The following PDE4C variants were observed in gnomAD, a reference collection of about 807,000 sequenced individuals.
The protein encoded by PDE4C is phosphodiesterase 4C, also known as 3',5'-cyclic-AMP phosphodiesterase 4C.
PDE4C carries 50 observed loss-of-function variants against 63.9 expected under a neutral mutation model. The ratio of observed to expected loss-of-function variants is 0.78; its 90% CI spans 0.62 to 0.99. The LOEUF is 0.99. Among genes scored for constraint, PDE4C ranks in the 50% least tolerant of loss-of-function variants. The pLI, the probability that PDE4C is intolerant of heterozygous loss-of-function variation, is 0.00. For missense variants in PDE4C, 777 were observed against 899.1 expected, an observed-to-expected ratio of 0.86 and a Z score of 1.74; for synonymous variants, 377 against 385.1, an observed-to-expected ratio of 0.98 and a Z score of 0.25.
At chr19:18,216,704 T>G in intron 12 of PDE4C, 37 bp downstream of exon 12, 10 of 1,226,124 alleles carry the variant, frequency 8.2e-6, no homozygotes, top group Non-Finnish European at 6.8e-6. Context: ...CCCGCTCCCC[T>G]CTGCCCCTCC....
downstream of PDE4C, chr19:18,208,000 C>T (rs1401984244): frequency 6.6e-6 from 1 of 152,140 alleles, no homozygotes; most frequent in Non-Finnish European, 1.5e-5. Flanking sequence ...CTTCTTTATA[C>T]ATTTCCATTA....
At chr19:18,248,270 A>C (rs578130585), upstream of PDE4C, 381 of 455,066 alleles carry the variant, frequency 8.4e-4, 8 homozygotes, top group Admixed American at 8.8e-3. Context: ...GGGCTCCCTC[A>C]ACACCCACTC....
upstream of PDE4C, among the ~76,000 whole-genome samples, chr19:18,228,422 G>A (rs1404939576): frequency 6.6e-6 from 1 of 152,024 alleles, no homozygotes; most frequent in Non-Finnish European, 1.5e-5. Flanking sequence ...TCGAGGATGG[G>A]GCTACTGAGG....
chr19:18,221,052 G>GCCAGGGGCCCCCCCCCCCCCCC, intron 4 of PDE4C, 53 bp downstream of exon 4: 5 of 1,245,288 alleles, frequency 4.0e-6, no homozygotes, highest in Admixed American at 2.1e-5. Flanking sequence ...CCCGCTTTCC[G>GCCAGGGGCCCCCCCCCCCCCCC]CCCACCTTGT....
chr19:18,229,267 G>A (rs1369017452), upstream of PDE4C, among the ~76,000 whole-genome samples: 1 of 148,852 alleles, frequency 6.7e-6, no homozygotes, highest in Non-Finnish European at 1.5e-5. Context: ...TTGAGACACA[G>A]TTTCACTCTG....
upstream of PDE4C, among the ~76,000 whole-genome samples, chr19:18,252,848 C>A (rs1323724717): frequency 6.6e-6 from 1 of 152,190 alleles, no homozygotes; most frequent in Non-Finnish European, 1.5e-5. Context: ...CTCAGATGAT[C>A]CACCTGCCTT....
intron 12 of PDE4C, among the ~76,000 whole-genome samples, chr19:18,216,291 C>T (rs1223235062): frequency 4.0e-5 from 6 of 149,952 alleles, no homozygotes; most frequent in Non-Finnish European, 7.4e-5. Flanking sequence ...TGGAGTCTCA[C>T]TCTGTTGCTG....
At chr19:18,221,439 A>C (rs1600081471) in intron 2 of PDE4C, 142 bp from the exon 3 acceptor site, 2 of 730,122 alleles carry the variant, frequency 2.7e-6, no homozygotes, top group Non-Finnish European at 2.2e-6. Context: ...CCCTCATGCG[A>C]CTCTCCCTGA....
upstream of PDE4C, among the ~76,000 whole-genome samples, chr19:18,234,903 C>A (rs983657326): frequency 1.2e-4 from 19 of 152,094 alleles, no homozygotes; most frequent in Non-Finnish European, 1.8e-4. Context: ...TGTTCTCCAC[C>A]CCCCCACCAC....
At chr19:18,223,905 A>G (rs1221813402) in intron 1 of PDE4C, among the ~76,000 whole-genome samples, 2 of 152,112 alleles carry the variant, frequency 1.3e-5, no homozygotes, top group South Asian at 2.1e-4. Context: ...ACCCTTGGCT[A>G]CCTGCCACGC....
chr19:18,254,731 G>A, the PDE4C span, among the ~76,000 whole-genome samples: 5 of 152,160 alleles, frequency 3.3e-5, no homozygotes, highest in African/African-American at 9.7e-5. Flanking sequence ...AAGGGAATGC[G>A]AGAAGCTCAA....
upstream of PDE4C, among the ~76,000 whole-genome samples, chr19:18,238,358 C>T (rs889343394): frequency 3.3e-5 from 5 of 151,698 alleles, no homozygotes; most frequent in African/African-American, 1.2e-4. Flanking sequence ...GCCTCAGCCT[C>T]CTGAGTAGCT....
intron 1 of PDE4C, among the ~76,000 whole-genome samples, chr19:18,239,289 CTAAA>C (rs1331453583): frequency 6.6e-6 from 1 of 152,166 alleles, no homozygotes; most frequent in Non-Finnish European, 1.5e-5. Flanking sequence ...ATGGGAGAAA[CTAAA>C]TGAGATGCTG....
chr19:18,216,236 C>T (rs1269391274), intron 12 of PDE4C, among the ~76,000 whole-genome samples: 1 of 150,726 alleles, frequency 6.6e-6, no homozygotes. Context: ...AGCAGAGGGC[C>T]TGGGGTTTGG....
upstream of PDE4C, chr19:18,252,013 C>T (rs1969235869): frequency 2.5e-6 from 1 of 398,556 alleles, no homozygotes; most frequent in East Asian, 3.6e-5. Context: ...AAAACTGCAG[C>T]CTGTTACACC....
chr19:18,221,057 C>CCCCGCCCAT, intron 4 of PDE4C, 48 bp downstream of exon 4: 2 of 714,192 alleles, frequency 2.8e-6, no homozygotes, highest in Non-Finnish European at 3.9e-6. Flanking sequence ...TTTCCGCCCA[C>CCCCGCCCAT]CTTGTCTCTG....
At position 18,226,325 on chromosome 19, in the gene PDE4C, A is replaced by C. The variant is rs1395255301; in HGVS notation, c.91T>G (p.Leu31Val). Residue 31 changes from leucine to valine, a missense_variant, in exon 1 of 15, where the codon TTG becomes GTG. By Grantham distance (32) the Leu-to-Val change is conservative. Around this residue, in one of 3 missense-constraint regions of PDE4C, gnomAD observed 249 missense variants for 247.8 expected, o/e 1.00. Coordinates refer to ENST00000262805, the Ensembl canonical transcript of PDE4C. Reference sequence around the variant, plus strand: ...TGCAGGCGGATGCTCTGATTCACCAAAAGCTTCCTGAAGAGCCCGGGGGAG... The same window carrying C: ...TGCAGGCGGATGCTCTGATTCACCACAAGCTTCCTGAAGAGCCCGGGGGAG... 4 of 1,564,172 alleles carry C rather than the reference A, an allele frequency of 2.6e-6. No homozygotes were observed. The South Asian group carries it at 4.7e-5, about 18-fold the overall frequency.
chr19:18,243,415 G>T (rs1215283229), intron 1 of PDE4C, among the ~76,000 whole-genome samples: 1 of 152,110 alleles, frequency 6.6e-6, no homozygotes, highest in African/African-American at 2.4e-5. Context: ...GTGGTGACTG[G>T]TGATTATTAA....
Position 18,220,862 on chromosome 19 carries a change from C to T in PDE4C, c.499+12G>A, listed in dbSNP as rs769961977. The stretch of plus-strand genomic sequence containing the variant: ...TGTCCTCAGCGGGGGAGGGAAGGAA[C>T]AGGTACTTTACCTGCAGGAGGGAGC... On this transcript the variant is annotated intron_variant, in intron 5 of 14. Transcript: ENST00000262805. The surrounding 1 kb of genome is among the most constrained non-coding windows in gnomAD (Gnocchi z 5.1). 17 of 1,607,048 alleles carry T rather than the reference C, an allele frequency of 1.1e-5. No individual in the cohort carries two copies. The South Asian group carries it at 1.6e-4, about 15-fold the overall frequency.
Sources: allele counts gnomAD v4.1 joint callset (sites outside exome capture counted in the v4.1 genomes callset), GRCh38; gene constraint gnomAD v4.1.1; regional missense constraint gnomAD v4.1.1; non-coding constraint Gnocchi (gnomAD v3.1); transcripts MANE v1.5; gene names NCBI Gene and HGNC (gene_info 2026-07-23, HGNC 2026-07-21).